LRRC9: variants seen among roughly 807,000 people sequenced by gnomAD.
LRRC9 encodes leucine rich repeat containing 9.
LRRC9 carries 122 observed loss-of-function variants against 63.2 expected under a neutral mutation model. The ratio of observed to expected loss-of-function variants is 1.93; its 90% CI spans 1.67 to 2.24. LRRC9 has a LOEUF of 2.24. Ranked by LOEUF, LRRC9 falls within the 30% of genes most tolerant of loss-of-function variation. The pLI, the probability that LRRC9 is intolerant of heterozygous loss-of-function variation, is 0.00. For synonymous variants in LRRC9, 366 were observed against 213.1 expected, an observed-to-expected ratio of 1.72 and a Z score of -6.25; for missense variants, 1,071 against 627.7, an observed-to-expected ratio of 1.71 and a Z score of -7.55.
At chr14:59,972,856 T>G (rs1215290965) in intron 12 of LRRC9, among the ~76,000 whole-genome samples, 2 of 152,108 alleles carry the variant, frequency 1.3e-5, no homozygotes, top group African/African-American at 4.8e-5. Context: ...GCCATCATAG[T>G]ATGAGTTATA....
At chr14:60,049,252 G>C (rs1595110863) in intron 29 of LRRC9, among the ~76,000 whole-genome samples, 1 of 152,090 alleles carries the variant, frequency 6.6e-6, no homozygotes, top group Non-Finnish European at 1.5e-5. Context: ...TAGACCATTT[G>C]CGTTTAAGGT....
At chr14:60,046,282 C>G (rs909487431) in intron 29 of LRRC9, among the ~76,000 whole-genome samples, 1 of 152,178 alleles carries the variant, frequency 6.6e-6, no homozygotes, top group Admixed American at 6.5e-5. Flanking sequence ...TTAGTTAGAT[C>G]CCATTTGCCA....
chr14:59,952,067 G>A (rs1428827666), intron 8 of LRRC9, among the ~76,000 whole-genome samples: 1 of 152,104 alleles, frequency 6.6e-6, no homozygotes, highest in African/African-American at 2.4e-5. Context: ...ACCTAAGCAA[G>A]CCTGGGCAAT....
Position 60,030,691 on chromosome 14 carries a change from A to G in LRRC9, c.3922-1304A>G, listed in dbSNP as rs557908750. Among the ~76,000 whole-genome samples, 37 of 152,192 alleles carry G rather than the reference A, an allele frequency of 2.4e-4. No homozygotes were observed. In the East Asian group the frequency reaches 7.0e-3, roughly 29 times the overall value. The stretch of plus-strand genomic sequence containing the variant: ...CAGTTGGCTCTCCAAGAGGAAAAAA[A>G]TCCCTAATTAGTAACATTTGCCAAT... On this transcript the variant is annotated intron_variant, in intron 28 of 31. Coordinates refer to ENST00000445360, the Ensembl canonical transcript of LRRC9.
chr14:60,048,176 C>T (rs1387584286), intron 29 of LRRC9, among the ~76,000 whole-genome samples: 2 of 151,772 alleles, frequency 1.3e-5, no homozygotes, highest in African/African-American at 4.8e-5. Context: ...CACTAAATGC[C>T]CACATCAAAA....
At chr14:59,978,947 C>G (rs531884530) in intron 15 of LRRC9, among the ~76,000 whole-genome samples, 1 of 152,308 alleles carries the variant, frequency 6.6e-6, no homozygotes, top group East Asian at 1.9e-4. Flanking sequence ...TTATCAGTCT[C>G]TTTTGGCCAC....
At position 60,051,275 on chromosome 14, in the gene LRRC9, G is replaced by A. The variant is rs1893865875; in HGVS notation, c.3991-1790G>A. On this transcript the variant is annotated intron_variant, in intron 29 of 31. Transcript: ENST00000445360. This position sits in a 1 kb window ranked among gnomAD's most constrained non-coding sequence, Gnocchi z 4.7. ...GGGTTCAGTGCATATAAGACTGGCT[G>A]GAGTGACTCCAGGCCCCCCACAAGG... Among the ~76,000 whole-genome samples the A allele has an allele frequency of 6.6e-6, 1 of 152,194 alleles. No homozygotes were observed. The highest frequency in any genetic ancestry group is 2.4e-5 in the African/African-American group (1 of 41,442).
At chr14:59,933,239 C>T (rs555525227) in intron 6 of LRRC9, among the ~76,000 whole-genome samples, 1 of 152,282 alleles carries the variant, frequency 6.6e-6, no homozygotes, top group Admixed American at 6.5e-5. Context: ...CTCCCTATCA[C>T]AGTGCCACTG....
intron 8 of LRRC9, among the ~76,000 whole-genome samples, chr14:59,945,132 CT>C (rs1276106305): frequency 3.3e-5 from 5 of 149,956 alleles, no homozygotes; most frequent in African/African-American, 1.2e-4. Context: ...AATTCATTTT[CT>C]TGTTTAAAGT....
intron 6 of LRRC9, among the ~76,000 whole-genome samples, chr14:59,934,286 T>G (rs1482798097): frequency 6.6e-6 from 1 of 152,126 alleles, no homozygotes; most frequent in Admixed American, 6.6e-5. Flanking sequence ...TTACAGTTCT[T>G]AGCAAGCTCA....
At chr14:60,046,321 G>A (rs1474946529) in intron 29 of LRRC9, among the ~76,000 whole-genome samples, 1 of 152,112 alleles carries the variant, frequency 6.6e-6, no homozygotes, top group African/African-American at 2.4e-5. Context: ...ATTGCTTTTG[G>A]CATATTTGTC....
At chr14:60,064,597 T>C (rs1894836820), downstream of LRRC9, among the ~76,000 whole-genome samples, 1 of 152,228 alleles carries the variant, frequency 6.6e-6, no homozygotes, top group South Asian at 2.1e-4. Flanking sequence ...TTTTGCTCTT[T>C]GTAATGTGTG....
At chr14:59,928,590 G>A in intron 3 of LRRC9, 104 bp downstream of exon 3, 1 of 423,870 alleles carries the variant, frequency 2.4e-6, no homozygotes, top group African/African-American at 2.0e-5. Context: ...GGTTAAGACA[G>A]ATAAATGAAC....
At chr14:59,955,935 T>C (rs1883698492) in intron 8 of LRRC9, among the ~76,000 whole-genome samples, 1 of 152,136 alleles carries the variant, frequency 6.6e-6, no homozygotes, top group Non-Finnish European at 1.5e-5. Flanking sequence ...AATTTCCATA[T>C]TTTTGTGTGG....
chr14:59,977,262 T>C, exon 14 of LRRC9: 1 of 695,444 alleles, frequency 1.4e-6, no homozygotes, highest in Non-Finnish European at 2.6e-6. Flanking sequence ...TTGGCCAGAG[T>C]GTTCAGGCCC....
At chr14:59,946,086 A>C (rs1268444322) in intron 8 of LRRC9, among the ~76,000 whole-genome samples, 1 of 151,560 alleles carries the variant, frequency 6.6e-6, no homozygotes, top group African/African-American at 2.4e-5. Context: ...GATATATATA[A>C]AAATATTTAT....
intron 29 of LRRC9, among the ~76,000 whole-genome samples, chr14:60,033,050 A>G (rs1294305903): frequency 6.6e-6 from 1 of 152,116 alleles, no homozygotes; most frequent in African/African-American, 2.4e-5. Flanking sequence ...TTCTCCATAA[A>G]GATTTTAATC....
At chr14:59,969,353 A>G (rs1242451921) in intron 12 of LRRC9, 1 of 152,114 alleles carries the variant, frequency 6.6e-6, no homozygotes, top group Non-Finnish European at 1.5e-5. Flanking sequence ...AAGTCTCCTG[A>G]TCTTCCCTTT....
chr14:60,007,563 A>G (rs985547663), intron 22 of LRRC9, among the ~76,000 whole-genome samples: 2 of 152,166 alleles, frequency 1.3e-5, no homozygotes, highest in Admixed American at 1.3e-4. Flanking sequence ...TATTCCTGTT[A>G]TATCTATATA....
Sources: allele counts gnomAD v4.1 joint callset (sites outside exome capture counted in the v4.1 genomes callset), GRCh38; gene constraint gnomAD v4.1.1; non-coding constraint Gnocchi (gnomAD v3.1); transcripts MANE v1.5; gene names NCBI Gene and HGNC (gene_info 2026-07-23, HGNC 2026-07-21).